ZC3H4: variants seen among roughly 807,000 people sequenced by gnomAD.
ZC3H4 encodes zinc finger CCCH-type containing 4.
Under a neutral mutation model 108.3 loss-of-function variants are expected in ZC3H4, and 13 were observed. The observed-to-expected ratio is 0.12, with a 90% CI of 0.08 to 0.19. ZC3H4 has a LOEUF of 0.19. Ranked by LOEUF, ZC3H4 falls within the 10% of genes least tolerant of loss-of-function variation. ZC3H4 has a pLI of 1.00. For missense variants in ZC3H4, 1,734 were observed against 1,838.8 expected (o/e 0.94, Z 1.04); for synonymous variants, 917 against 749.6 (o/e 1.22, Z -3.65).
At chr19:47,090,240 G>A (rs1178054970) in intron 4 of ZC3H4, 51 bp from the exon 5 acceptor site, 1 of 1,600,594 alleles carries the variant, frequency 6.2e-7, no homozygotes, top group Non-Finnish European at 8.5e-7. Flanking sequence ...ACAGCCGTGG[G>A]TGCAGACTAC....
chr19:47,103,762 TAAAAAAA>T (rs748735701), intron 2 of ZC3H4, among the ~76,000 whole-genome samples: 53 of 108,450 alleles, frequency 4.9e-4, no homozygotes, highest in African/African-American at 1.9e-3. Flanking sequence ...CCGTCTCTAC[TAAAAAAA>T]AAAAAAAAAA....
At chr19:47,092,495 C>G (rs2122975173) in intron 4 of ZC3H4, among the ~76,000 whole-genome samples, 1 of 152,320 alleles carries the variant, frequency 6.6e-6, no homozygotes, top group Middle Eastern at 3.4e-3. Flanking sequence ...ATACCTGGGA[C>G]AGCTTTAAAG....
At chr19:47,100,219 C>T (rs1054827234) in intron 2 of ZC3H4, among the ~76,000 whole-genome samples, 1 of 152,156 alleles carries the variant, frequency 6.6e-6, no homozygotes, top group African/African-American at 2.4e-5. Flanking sequence ...TGAGTTAGGA[C>T]GTAATGAAGC....
intron 9 of ZC3H4, among the ~76,000 whole-genome samples, chr19:47,083,521 A>G (rs1320100004): frequency 7.9e-5 from 12 of 152,116 alleles, no homozygotes; most frequent in African/African-American, 1.7e-4. Flanking sequence ...CCTGGCCAAC[A>G]TGGCGAAACC....
intron 3 of ZC3H4, 136 bp from the exon 4 acceptor site, chr19:47,094,216 T>C: frequency 9.3e-7 from 1 of 1,077,670 alleles, no homozygotes; most frequent in South Asian, 1.4e-5. Flanking sequence ...CTGGGGCACT[T>C]AGTGGCAATG....
At chr19:47,079,694 G>A (rs934561091) in intron 11 of ZC3H4, among the ~76,000 whole-genome samples, 1 of 152,154 alleles carries the variant, frequency 6.6e-6, no homozygotes, top group Non-Finnish European at 1.5e-5. Context: ...TCAGTAGTTC[G>A]AGACCAACCT....
intron 2 of ZC3H4, chr19:47,110,967 G>A (rs1257179787): frequency 1.0e-6 from 1 of 974,728 alleles, no homozygotes; most frequent in Non-Finnish European, 1.2e-6. Flanking sequence ...CTGTGAAGGA[G>A]AAAGGGGAAA....
intron 4 of ZC3H4, among the ~76,000 whole-genome samples, chr19:47,093,269 T>C (rs1397127056): frequency 1.3e-5 from 2 of 150,956 alleles, no homozygotes; most frequent in East Asian, 1.9e-4. Flanking sequence ...TGGGATTTTC[T>C]GGGGGAAGAA....
At chr19:47,098,719 G>C (rs1220717760) in intron 2 of ZC3H4, among the ~76,000 whole-genome samples, 1 of 152,062 alleles carries the variant, frequency 6.6e-6, no homozygotes, top group Non-Finnish European at 1.5e-5. Context: ...AGCCAAGATC[G>C]CGCCACTGCA....
In ZC3H4 at chr19:47,109,567, C is replaced by T. The variant is rs78456238; in HGVS notation, c.161+2857G>A. ...CCTGGATAATGTGTTTTGTTCGGTT[C>T]GTGCTTCAGACATTTCTTGCAGGAT... On this transcript the variant is annotated intron_variant, in intron 2 of 14. Coordinates refer to ENST00000253048, the MANE Select transcript of ZC3H4 (RefSeq NM_015168.2). 2.3e-3 allele frequency among the ~76,000 whole-genome samples: 357 copies of T among 152,266 alleles called. 1 individual carries two copies. The highest frequency in any genetic ancestry group is 4.1e-3 in the Non-Finnish European group (276 of 68,028).
rs770688381 is a variant in ZC3H4, at chr19:47,084,445, C to A, written c.1118G>T (p.Gly373Val). ...FYDEDMGDGG[G>V]GSYRSRDHDK... ...ATGGTCACGACTCCGGTAGCTTCCA[C>A]CACCACCGTCCTGCAATGGACAGGG... Residue 373 changes from glycine to valine, a missense_variant, in exon 9 of 15, where the codon GGT (glycine) becomes GTT (valine). Gly to Val is a moderately radical substitution (Grantham distance 109). This residue lies in a region of ZC3H4 where 403 missense variants were observed against 457.0 expected (regional missense o/e 0.88). Coordinates refer to ENST00000253048, the MANE Select transcript of ZC3H4 (RefSeq NM_015168.2). The A allele has an allele frequency of 1.9e-6, 3 of 1,614,088 alleles. No homozygotes were observed. The South Asian group carries it at 3.3e-5, about 18-fold the overall frequency.
intron 2 of ZC3H4, among the ~76,000 whole-genome samples, chr19:47,097,764 C>A (rs908342519): frequency 6.6e-6 from 1 of 152,144 alleles, no homozygotes; most frequent in African/African-American, 2.4e-5. Context: ...GTGGGGGAAG[C>A]CCCACCGCGC....
At chr19:47,093,235 A>AG (rs2057767684) in intron 4 of ZC3H4, among the ~76,000 whole-genome samples, 1 of 152,006 alleles carries the variant, frequency 6.6e-6, no homozygotes, top group East Asian at 1.9e-4. Context: ...AAAAAAAAAA[A>AG]AAAAATGATT....
rs2057574039 is a variant in ZC3H4, at chr19:47,084,206, T to TATCG, written c.1218+135_1218+138dup. ...TTCAGGCCGCCCAGGCAACTCCCAG[T>TATCG]ATCGGCAAGTGTCCACAAGGACAAG... On this transcript the variant is annotated intron_variant, in intron 9 of 14. Transcript: ENST00000253048. 9 of 755,194 alleles carry TATCG rather than the reference T, an allele frequency of 1.2e-5. No homozygotes were observed. In the South Asian group the frequency reaches 1.6e-4, roughly 13 times the overall value. 46.8% of individuals were successfully genotyped at this position (755,194 alleles called of 1,614,324 possible). A position where few individuals can be genotyped will look rare whatever the true frequency, so the allele number is the denominator to read the frequency against.
intron 13 of ZC3H4, 114 bp from the exon 14 acceptor site, chr19:47,069,457 G>T: frequency 7.9e-7 from 1 of 1,271,836 alleles, no homozygotes; most frequent in Non-Finnish European, 1.1e-6. Flanking sequence ...AGGACGCACA[G>T]CCTGCCCCTG....
intron 13 of ZC3H4, among the ~76,000 whole-genome samples, chr19:47,071,401 A>G (rs2057323267): frequency 6.6e-6 from 1 of 152,104 alleles, no homozygotes; most frequent in African/African-American, 2.4e-5. Context: ...TGGGGTGGAC[A>G]CTGGTTGCTC....
chr19:47,107,263 G>T (rs954328774), intron 2 of ZC3H4, among the ~76,000 whole-genome samples: 1 of 152,182 alleles, frequency 6.6e-6, no homozygotes, highest in African/African-American at 2.4e-5. Flanking sequence ...TACACCAACT[G>T]TAAAAGTTCT....
At position 47,083,250 on chromosome 19, in the gene ZC3H4, C is replaced by T. The variant is rs1359500601; in HGVS notation, c.1219-955G>A. ...CAGTGAGGCAGAACTTGCAGTGAGG[C>T]GAGATCACACCACTGCACTCCAGCC... On this transcript the variant is annotated intron_variant, in intron 9 of 14. Transcript: ENST00000253048. Among the ~76,000 whole-genome samples, 7 of 146,692 alleles carry T rather than the reference C, an allele frequency of 4.8e-5. No individual in the cohort carries two copies. The East Asian group carries it at 8.0e-4, about 17-fold the overall frequency.
At chr19:47,068,978 C>A (rs2057272633) in intron 14 of ZC3H4, 114 bp downstream of exon 14, 1 of 1,555,324 alleles carries the variant, frequency 6.4e-7, no homozygotes, top group Non-Finnish European at 8.6e-7. Flanking sequence ...CAGGGGTCCT[C>A]CCTAGCCATG....
Sources: allele counts gnomAD v4.1 joint callset (sites outside exome capture counted in the v4.1 genomes callset), GRCh38; gene constraint gnomAD v4.1.1; regional missense constraint gnomAD v4.1.1; transcripts MANE v1.5; gene names NCBI Gene and HGNC (gene_info 2026-07-23, HGNC 2026-07-21).